Variants in DNAH10 observed in about 807,000 individuals in gnomAD.
The protein encoded by DNAH10 is axonemal beta dynein heavy chain 10.
A neutral mutation model predicts 506.6 loss-of-function variants in DNAH10; 348 were observed. The ratio of observed to expected loss-of-function variants is 0.69; its 90% CI spans 0.63 to 0.75. The LOEUF is 0.75. DNAH10 is among the 30% of genes least tolerant of loss of function. The pLI is 0.00. For missense variants in DNAH10, 5,179 were observed against 5,787.1 expected, an observed-to-expected ratio of 0.89 and a Z score of 3.41; for synonymous variants, 2,059 against 2,198.6, an observed-to-expected ratio of 0.94 and a Z score of 1.78.
chr12:123,811,706 T>C (rs1330736242), intron 19 of DNAH10, among the ~76,000 whole-genome samples: 1 of 152,122 alleles, frequency 6.6e-6, no homozygotes, highest in Non-Finnish European at 1.5e-5. Flanking sequence ...GGTTTCACCA[T>C]GTTAGCCAGG....
At chr12:123,896,148 C>CACACACACACACACACAGAG (rs1383690518) in intron 54 of DNAH10, among the ~76,000 whole-genome samples, 1 of 95,272 alleles carries the variant, frequency 1.0e-5, no homozygotes, top group Non-Finnish European at 1.9e-5. Flanking sequence ...CACACACACA[C>CACACACACACACACACAGAG]AGAGAGAGAG....
At chr12:123,856,581 C>T (rs1406227017) in intron 36 of DNAH10, among the ~76,000 whole-genome samples, 1 of 151,052 alleles carries the variant, frequency 6.6e-6, no homozygotes, top group Non-Finnish European at 1.5e-5. Context: ...ATCCACCCAC[C>T]TCAGCCTCCC....
intron 5 of DNAH10, among the ~76,000 whole-genome samples, chr12:123,775,719 A>G (rs1265918647): frequency 6.6e-6 from 1 of 152,054 alleles, no homozygotes; most frequent in East Asian, 1.9e-4. Context: ...TCTGGTTTGC[A>G]TTTTACCTCT....
chr12:123,905,413 T>G (rs1953729369), intron 57 of DNAH10, among the ~76,000 whole-genome samples: 1 of 152,182 alleles, frequency 6.6e-6, no homozygotes, highest in Non-Finnish European at 1.5e-5. Context: ...GGTCCCAGGG[T>G]GTAGGCATTT....
intron 32 of DNAH10, among the ~76,000 whole-genome samples, chr12:123,847,506 G>A (rs1951009229): frequency 6.6e-6 from 1 of 150,726 alleles, no homozygotes; most frequent in Non-Finnish European, 1.5e-5. Context: ...GTAGACTCGT[G>A]TCTGGGTCTG....
chr12:123,899,798 G>T (rs1594323800), intron 56 of DNAH10, among the ~76,000 whole-genome samples: 1 of 152,198 alleles, frequency 6.6e-6, no homozygotes, highest in East Asian at 1.9e-4. Context: ...ATGTGTTTCA[G>T]CATCTTCCAT....
intron 16 of DNAH10, among the ~76,000 whole-genome samples, chr12:123,803,120 T>A (rs1565921818): frequency 6.6e-6 from 1 of 152,218 alleles, no homozygotes; most frequent in Non-Finnish European, 1.5e-5. Flanking sequence ...TGGGTTCTAC[T>A]TTTGCTGTCA....
In DNAH10 at chr12:123,853,896, A is replaced by T. The variant is rs1215101135; in HGVS notation, c.6438+544A>T. Among the ~76,000 whole-genome samples, 1 of 149,848 alleles carries T rather than the reference A, an allele frequency of 6.7e-6. No individual in the cohort carries two copies. The highest frequency in any genetic ancestry group is 1.5e-5 in the Non-Finnish European group (1 of 67,404). On this transcript the variant is annotated intron_variant, in intron 36 of 78. Coordinates refer to ENST00000673944, the MANE Select transcript of DNAH10 (RefSeq NM_001372106.1). This position sits in a 1 kb window ranked among gnomAD's most constrained non-coding sequence, Gnocchi z 4.7. ...CGGATACATGCACGCGCACACACGT[A>T]CGCACGCACATGTACACATACGCAC...
At chr12:123,841,698 T>C (rs1430705291) in intron 30 of DNAH10, among the ~76,000 whole-genome samples, 153 bp downstream of exon 30, 1 of 152,202 alleles carries the variant, frequency 6.6e-6, no homozygotes, top group Non-Finnish European at 1.5e-5. Context: ...TCTTTATTTT[T>C]ATTTTTTTGA....
chr12:123,845,591 T>G lies in DNAH10; in HGVS notation c.5361-9T>G. The G allele has an allele frequency of 1.2e-6, 2 of 1,611,784 alleles. No homozygotes were observed. ...ATCAGAGCCTCTTACAGGTGTGCGT[T>G]TTCTGCAGAGTCGACTGGATGCTCC... On this transcript the variant is annotated splice_polypyrimidine_tract_variant and intron_variant, in intron 30 of 78. Coordinates refer to ENST00000673944, the MANE Select transcript of DNAH10 (RefSeq NM_001372106.1).
chr12:123,935,068 G>A (rs1955428352), intron 78 of DNAH10: 1 of 597,602 alleles, frequency 1.7e-6, no homozygotes, highest in Non-Finnish European at 2.9e-6. Flanking sequence ...GACATTGCCT[G>A]AGTCATAAAG....
rs540356244 is a variant in DNAH10 at position 123,884,128 on chromosome 12, G to A, written c.8823+2315G>A. Among the ~76,000 whole-genome samples the A allele has an allele frequency of 7.9e-5, 12 of 152,026 alleles. 1 individual carries two copies. In the South Asian group the frequency reaches 2.3e-3, roughly 29 times the overall value. On this transcript the variant is annotated intron_variant, in intron 51 of 78. Coordinates refer to ENST00000673944, the MANE Select transcript of DNAH10 (RefSeq NM_001372106.1). ...GGCTCACTGCAACCTCTGCCTCCCC[G>A]GGTTCAAGCGATTCTCCTGCCTCAG... is the stretch of plus-strand genomic sequence containing the variant.
chr12:123,919,083 C>T lies in DNAH10; in HGVS notation c.11506+134C>T. The T allele has an allele frequency of 1.9e-6, 2 of 1,080,028 alleles. No homozygotes were observed. The highest frequency in any genetic ancestry group is 2.5e-6 in the Non-Finnish European group (2 of 806,224). The allele number at this position is 1,080,028 out of a possible 1,614,324, so 66.9% of individuals were successfully genotyped here. The stretch of plus-strand genomic sequence containing the variant: ...CTTTTTTCTTTCTTTCTTTCTTTTT[C>T]TTTTTTTTTTGAGATAGGGTCTTGC... On this transcript the variant is annotated intron_variant, in intron 65 of 78. Transcript: ENST00000673944. The surrounding 1 kb of genome is among the most constrained non-coding windows in gnomAD (Gnocchi z 4.9).
At chr12:123,833,893 T>C (rs1960842247) in intron 27 of DNAH10, among the ~76,000 whole-genome samples, 1 of 152,194 alleles carries the variant, frequency 6.6e-6, no homozygotes, top group Non-Finnish European at 1.5e-5. Flanking sequence ...CAAGGTCTTA[T>C]AGTAGGTGGT....
At chr12:123,833,585 C>CT (rs1391420238) in intron 27 of DNAH10, among the ~76,000 whole-genome samples, 2 of 152,132 alleles carry the variant, frequency 1.3e-5, no homozygotes, top group Admixed American at 6.5e-5. Flanking sequence ...CTAATTGCTT[C>CT]TTTTTCATAT....
Position 123,787,750 on chromosome 12 carries a change from G to A in DNAH10, c.1422-54G>A. On this transcript the variant is annotated intron_variant, in intron 9 of 78. Coordinates refer to ENST00000673944, the MANE Select transcript of DNAH10 (RefSeq NM_001372106.1). This position sits in a 1 kb window ranked among gnomAD's most constrained non-coding sequence, Gnocchi z 4.6. ...ACTGGCTCCCCAGCCGGGGAGTGCG[G>A]CTCGGACCCGGAGCTCCGCCCTCCT... 6.3e-7 allele frequency: 1 copy of A among 1,576,520 alleles called. No homozygotes were observed. Among genetic ancestry groups the A allele is most frequent in the Non-Finnish European group, 8.6e-7 (1 of 1,161,248 alleles).
chr12:123,784,859 C>T (rs1957790363), intron 8 of DNAH10, among the ~76,000 whole-genome samples: 1 of 152,210 alleles, frequency 6.6e-6, no homozygotes, highest in Non-Finnish European at 1.5e-5. Context: ...CAGTCTCTTT[C>T]ACTCAGCACC....
At chr12:123,910,760 T>A in intron 59 of DNAH10, 88 bp downstream of exon 59, 2 of 1,501,120 alleles carry the variant, frequency 1.3e-6, no homozygotes, top group African/African-American at 1.4e-5. Flanking sequence ...GCTGAAAAAC[T>A]TCTCCCGAGG....
chr12:123,867,735 G>T (rs1251408168), intron 42 of DNAH10, 134 bp downstream of exon 42: 1 of 1,408,562 alleles, frequency 7.1e-7, no homozygotes, highest in South Asian at 1.4e-5. Context: ...GGCGGGCGCC[G>T]TGCTTGCTTT....
Sources: gnomAD v4.1 joint callset for allele counts (sites outside exome capture counted in the v4.1 genomes callset) on GRCh38, gnomAD v4.1.1 for gene constraint, Gnocchi (gnomAD v3.1) non-coding constraint, MANE v1.5 for transcripts, NCBI Gene and HGNC (gene_info 2026-07-23, HGNC 2026-07-21) for gene names.